The following PEX14 variants were observed in gnomAD, a reference collection of about 807,000 sequenced individuals.
The protein encoded by PEX14 is peroxisomal biogenesis factor 14.
A neutral mutation model predicts 49.5 loss-of-function variants in PEX14; 15 were observed. The ratio of observed to expected loss-of-function variants is 0.30; its 90% CI spans 0.20 to 0.47. The LOEUF (loss-of-function observed/expected upper bound fraction) is 0.47, where lower values mean the gene tolerates loss of function less well. Among genes scored for constraint, PEX14 ranks in the 20% least tolerant of loss-of-function variants. PEX14 has a pLI of 1.00. For synonymous variants in PEX14, 210 were observed against 212.7 expected, an observed-to-expected ratio of 0.99 and a Z score of 0.11; for missense variants, 398 against 494.8, an observed-to-expected ratio of 0.80 and a Z score of 1.86.
In PEX14 at chr1:10,623,924, A is replaced by G. The variant is rs1002935295; in HGVS notation, c.488-416A>G. 9.2e-5 allele frequency among the ~76,000 whole-genome samples: 14 copies of G among 151,970 alleles called. No individual in the cohort carries two copies. Among genetic ancestry groups the G allele is most frequent in the Non-Finnish European group, 2.1e-4 (14 of 67,982 alleles). On this transcript the variant is annotated intron_variant, in intron 6 of 8. Coordinates refer to ENST00000356607, the MANE Select transcript of PEX14 (RefSeq NM_004565.3). The surrounding 1 kb of genome is among the most constrained non-coding windows in gnomAD (Gnocchi z 4.4). Reference sequence around the variant, plus strand: ...GGAAACAGGACGTGCGGCTTGAGCCACTCCTGGATGTGAATGTGGCGGGGA... The same window carrying G: ...GGAAACAGGACGTGCGGCTTGAGCCGCTCCTGGATGTGAATGTGGCGGGGA...
At chr1:10,524,262 G>A (rs1179225545) in intron 2 of PEX14, 1 of 153,734 alleles carries the variant, frequency 6.5e-6, no homozygotes, top group African/African-American at 2.4e-5. Context: ...GGAAGCTTGT[G>A]CAAAATTGAG....
rs1307785489 is a variant in PEX14, at chr1:10,628,872, A to ACCTC, written c.678-656_678-653dup. Reference sequence around the variant, plus strand: ...TCTGAGCCGTTGCCAAGTGGACCTGACCTCCCAGGTCCCTCCTGGAATTGG... The same window carrying ACCTC: ...TCTGAGCCGTTGCCAAGTGGACCTGACCTCCCTCCCAGGTCCCTCCTGGAATTGG... On this transcript the variant is annotated intron_variant, in intron 8 of 8. Coordinates refer to ENST00000356607, the MANE Select transcript of PEX14 (RefSeq NM_004565.3). The surrounding 1 kb of genome is among the most constrained non-coding windows in gnomAD (Gnocchi z 4.5). Among the ~76,000 whole-genome samples the ACCTC allele has an allele frequency of 6.6e-6, 1 of 151,798 alleles. No homozygotes were observed. Among genetic ancestry groups the ACCTC allele is most frequent in the Non-Finnish European group, 1.5e-5 (1 of 67,960 alleles).
At chr1:10,611,348 A>G (rs1203231214) in intron 4 of PEX14, among the ~76,000 whole-genome samples, 1 of 152,208 alleles carries the variant, frequency 6.6e-6, no homozygotes, top group Non-Finnish European at 1.5e-5. Context: ...CCAACTGGCT[A>G]TAGTGCCAAC....
At chr1:10,502,289 T>C (rs571341966) in intron 2 of PEX14, among the ~76,000 whole-genome samples, 1 of 152,236 alleles carries the variant, frequency 6.6e-6, no homozygotes, top group South Asian at 2.1e-4. Context: ...CTCTGCCAGA[T>C]CTGCCGAAAA....
rs115515972 is a variant in PEX14, at chr1:10,523,366, T to C, written c.85-12847T>C. 5.2e-3 allele frequency among the ~76,000 whole-genome samples: 792 copies of C among 152,322 alleles called. 3 individuals are homozygous for C. The highest frequency in any genetic ancestry group is 0.018 in the African/African-American group (745 of 41,572). On this transcript the variant is annotated intron_variant, in intron 2 of 8. Coordinates refer to ENST00000356607, the MANE Select transcript of PEX14 (RefSeq NM_004565.3). ...CTATTCCCTGTCTCCTCCTTCTCTGTTGGTTTTCTCCTTTTTTTGAATTGG... is the reference window on the plus strand; with the variant it reads ...CTATTCCCTGTCTCCTCCTTCTCTGCTGGTTTTCTCCTTTTTTTGAATTGG...
At chr1:10,556,780 A>G (rs1176061765) in intron 3 of PEX14, among the ~76,000 whole-genome samples, 1 of 152,224 alleles carries the variant, frequency 6.6e-6, no homozygotes, top group Admixed American at 6.5e-5. Flanking sequence ...ACAGGAACAC[A>G]CTTCACAAAT....
intron 3 of PEX14, among the ~76,000 whole-genome samples, chr1:10,576,251 A>G (rs1640112745): frequency 6.6e-6 from 1 of 152,058 alleles, no homozygotes; most frequent in Non-Finnish European, 1.5e-5. Flanking sequence ...TTCCTCTATT[A>G]TTTTTATGGT....
intron 3 of PEX14, among the ~76,000 whole-genome samples, chr1:10,585,565 C>T (rs4846238): frequency 0.97 from 147,921 of 152,334 alleles, 71,970 homozygotes; most frequent in East Asian, 1. Flanking sequence ...GAAAAAGATA[C>T]ACCATGCAAA....
At chr1:10,511,058 C>A (rs1010363153) in intron 2 of PEX14, among the ~76,000 whole-genome samples, 1 of 149,894 alleles carries the variant, frequency 6.7e-6, no homozygotes, top group Non-Finnish European at 1.5e-5. Flanking sequence ...TGTGGTGCAC[C>A]GATAGGCATC....
At chr1:10,620,911 G>A (rs1244639734) in intron 5 of PEX14, among the ~76,000 whole-genome samples, 1 of 152,214 alleles carries the variant, frequency 6.6e-6, no homozygotes, top group South Asian at 2.1e-4. Context: ...GCACCAAGAA[G>A]AATGTGACAC....
intron 3 of PEX14, among the ~76,000 whole-genome samples, chr1:10,548,361 A>G (rs1639235294): frequency 6.6e-6 from 1 of 152,238 alleles, no homozygotes; most frequent in South Asian, 2.1e-4. Flanking sequence ...ATGCGGGCTT[A>G]TTGGAACTGT....
intron 3 of PEX14, among the ~76,000 whole-genome samples, chr1:10,577,865 G>C: frequency 6.6e-6 from 1 of 151,422 alleles, no homozygotes; most frequent in Non-Finnish European, 1.5e-5. Context: ...CCTGGACACA[G>C]TATTTTAAAA....
chr1:10,591,592 G>T (rs954563199), intron 3 of PEX14, among the ~76,000 whole-genome samples: 2 of 151,776 alleles, frequency 1.3e-5, no homozygotes, highest in South Asian at 4.2e-4. Flanking sequence ...TCTATAACCA[G>T]TGTTACCAGT....
intron 1 of PEX14, among the ~76,000 whole-genome samples, chr1:10,483,560 C>A (rs888714102): frequency 1.3e-5 from 2 of 149,678 alleles, no homozygotes; most frequent in African/African-American, 5.1e-5. Flanking sequence ...CATGATCCAC[C>A]CGCCTCGGCC....
At chr1:10,607,931 A>G (rs1439697928) in intron 4 of PEX14, among the ~76,000 whole-genome samples, 2 of 152,192 alleles carry the variant, frequency 1.3e-5, no homozygotes, top group Admixed American at 1.3e-4. Flanking sequence ...TGCATCCTAA[A>G]GAAGACTTTG....
chr1:10,581,088 A>G (rs572044597), intron 3 of PEX14, among the ~76,000 whole-genome samples: 53 of 152,262 alleles, frequency 3.5e-4, no homozygotes, highest in African/African-American at 1.3e-3. Flanking sequence ...AAGGAAAAGA[A>G]CAGTCTTCTC....
chr1:10,517,285 T>C (rs896320185), intron 2 of PEX14, among the ~76,000 whole-genome samples: 14 of 152,190 alleles, frequency 9.2e-5, no homozygotes, highest in Non-Finnish European at 1.3e-4. Flanking sequence ...TGTGTTGAAC[T>C]GGGCAGTGGA....
chr1:10,561,273 A>T (rs1639646607), intron 3 of PEX14, among the ~76,000 whole-genome samples: 2 of 152,050 alleles, frequency 1.3e-5, no homozygotes, highest in African/African-American at 2.4e-5. Context: ...TTGCCCCCAC[A>T]TTTCTTTTGT....
At position 10,484,773 on chromosome 1, in the gene PEX14, A is replaced by G. The variant is rs1030918048; in HGVS notation, c.36+9771A>G. 1.3e-4 allele frequency among the ~76,000 whole-genome samples: 19 copies of G among 151,660 alleles called. 1 individual carries two copies. Among genetic ancestry groups the G allele is most frequent in the Admixed American group, 1.2e-3 (18 of 15,242 alleles). Reference sequence around the variant, plus strand: ...GCTTGTGTGGTTGTTGGTGGCATTCAGTTCCTTATGGACCATGAGACTGGA... The same window carrying G: ...GCTTGTGTGGTTGTTGGTGGCATTCGGTTCCTTATGGACCATGAGACTGGA... On this transcript the variant is annotated intron_variant, in intron 1 of 8. Coordinates refer to ENST00000356607, the MANE Select transcript of PEX14 (RefSeq NM_004565.3).
Sources: gnomAD v4.1 joint callset for allele counts (sites outside exome capture counted in the v4.1 genomes callset) on GRCh38, gnomAD v4.1.1 for gene constraint, Gnocchi (gnomAD v3.1) non-coding constraint, MANE v1.5 for transcripts, NCBI Gene and HGNC (gene_info 2026-07-23, HGNC 2026-07-21) for gene names.